TANK: variants seen among roughly 807,000 people sequenced by gnomAD.
TANK encodes TRAF family member associated NFKB activator.
Under a neutral mutation model 43.6 loss-of-function variants are expected in TANK, and 15 were observed. The observed-to-expected ratio is 0.34, with a 90% CI of 0.23 to 0.53. TANK has a LOEUF of 0.53. TANK is among the 20% of genes least tolerant of loss of function. TANK has a pLI of 0.94. For synonymous variants in TANK, 162 were observed against 178.2 expected (o/e 0.91, Z 0.73); for missense variants, 417 against 498.6 (o/e 0.84, Z 1.56).
chr2:161,160,168 A>G (rs553682789), upstream of TANK: 206 of 375,618 alleles, frequency 5.5e-4, no homozygotes, highest in Non-Finnish European at 8.7e-4. Context: ...TCCAGCAAAG[A>G]CTCACAAGTG....
intron 1 of TANK, chr2:161,162,838 G>C (rs1008245650): frequency 4.6e-5 from 7 of 152,072 alleles, no homozygotes; most frequent in African/African-American, 1.7e-4. Context: ...TTCATTTGGT[G>C]TGTATATTCA....
At chr2:161,183,914 A>T (rs547421442) in intron 2 of TANK, among the ~76,000 whole-genome samples, 13 of 152,136 alleles carry the variant, frequency 8.5e-5, no homozygotes, top group Non-Finnish European at 1.6e-4. Context: ...TAAAAAAAGT[A>T]GTTATTACTA....
intron 4 of TANK, among the ~76,000 whole-genome samples, chr2:161,216,607 AGTT>A (rs1190905888): frequency 3.3e-5 from 5 of 150,898 alleles, no homozygotes; most frequent in Non-Finnish European, 7.4e-5. Flanking sequence ...AAAAAAAAAA[AGTT>A]GGTGAGGCCC....
At chr2:161,184,533 G>A (rs144752682) in intron 2 of TANK, among the ~76,000 whole-genome samples, 31 of 152,214 alleles carry the variant, frequency 2.0e-4, no homozygotes, top group African/African-American at 7.2e-4. Context: ...AAAAGTGAAT[G>A]GCAGTCATTT....
intron 1 of TANK, among the ~76,000 whole-genome samples, chr2:161,152,125 T>C (rs769818907): frequency 8.1e-4 from 123 of 152,128 alleles, no homozygotes; most frequent in Non-Finnish European, 1.7e-3. Context: ...GTGTGCCAGA[T>C]TGATAATTAT....
chr2:161,150,601 T>C (rs537156956), intron 1 of TANK, among the ~76,000 whole-genome samples: 3 of 141,060 alleles, frequency 2.1e-5, no homozygotes, highest in South Asian at 2.3e-4. Flanking sequence ...TTTTTTTTTT[T>C]TTTTTTTTCT....
intron 1 of TANK, among the ~76,000 whole-genome samples, chr2:161,178,236 C>T (rs1417238263): frequency 1.3e-5 from 2 of 151,998 alleles, no homozygotes; most frequent in East Asian, 3.8e-4. Context: ...TTATTCATAA[C>T]AGCCAAAAGG....
At chr2:161,139,748 G>C in intron 1 of TANK, 1 of 985,262 alleles carries the variant, frequency 1.0e-6, no homozygotes. Flanking sequence ...AACAGAAAAA[G>C]AATGAAAACA....
chr2:161,152,815 G>T (rs1684116504), intron 1 of TANK, among the ~76,000 whole-genome samples: 1 of 152,178 alleles, frequency 6.6e-6, no homozygotes, highest in Non-Finnish European at 1.5e-5. Flanking sequence ...ACTAGAAAAA[G>T]ACTTTCAGTC....
intron 2 of TANK, among the ~76,000 whole-genome samples, chr2:161,181,158 C>T (rs527597645): frequency 2.6e-5 from 4 of 152,108 alleles, no homozygotes; most frequent in Admixed American, 6.6e-5. Flanking sequence ...TGGTGGCTTG[C>T]GCCTGTAATC....
chr2:161,167,769 C>T lies in TANK; in HGVS notation c.-50+7283C>T, dbSNP rs561522619. 1.9e-4 allele frequency among the ~76,000 whole-genome samples: 29 copies of T among 152,156 alleles called. 1 individual carries two copies. The East Asian group carries it at 5.4e-3, about 28-fold the overall frequency. ...TCCCAAGTAGCTGGGACTACAAATG[C>T]CCGCCACCACGACCGGCTAATTTTT... is the stretch of plus-strand genomic sequence containing the variant. On this transcript the variant is annotated intron_variant, in intron 1 of 7. Transcript: ENST00000392749.
At chr2:161,177,392 T>A (rs1177721325) in intron 1 of TANK, among the ~76,000 whole-genome samples, 2 of 152,120 alleles carry the variant, frequency 1.3e-5, no homozygotes, top group Non-Finnish European at 2.9e-5. Context: ...AGTTGTGATT[T>A]ATGATCAGTT....
chr2:161,218,366 G>A (rs1687207910), intron 4 of TANK, among the ~76,000 whole-genome samples: 1 of 152,126 alleles, frequency 6.6e-6, no homozygotes, highest in Admixed American at 6.5e-5. Flanking sequence ...CTGGATAACT[G>A]TACCACTTAG....
rs759909256 is a variant in TANK, at chr2:161,195,097, C to T, written c.100-8390C>T. On this transcript the variant is annotated intron_variant, in intron 2 of 7. Transcript: ENST00000392749. ...CAAGGTTTTACTTCCAGAAATATGTCGTGTTAAAACTTTTAGTCAGGTATG... is the reference window on the plus strand; with the variant it reads ...CAAGGTTTTACTTCCAGAAATATGTTGTGTTAAAACTTTTAGTCAGGTATG... Among the ~76,000 whole-genome samples the T allele has an allele frequency of 4.3e-4, 66 of 152,084 alleles. 1 individual carries two copies. The highest frequency in any genetic ancestry group is 4.6e-4 in the Admixed American group (7 of 15,268).
At chr2:161,229,781 C>T (rs943406987) in intron 6 of TANK, among the ~76,000 whole-genome samples, 1 of 152,164 alleles carries the variant, frequency 6.6e-6, no homozygotes, top group African/African-American at 2.4e-5. Flanking sequence ...AGATTTGCAT[C>T]ATTGGTAATG....
At chr2:161,201,377 A>C in intron 2 of TANK, 6 of 648,080 alleles carry the variant, frequency 9.3e-6, no homozygotes, top group Non-Finnish European at 1.1e-5. Flanking sequence ...AACTGGCAGA[A>C]GCTTTCTGAG....
intron 2 of TANK, among the ~76,000 whole-genome samples, chr2:161,196,675 T>G (rs990388397): frequency 4.6e-5 from 7 of 152,208 alleles, no homozygotes; most frequent in African/African-American, 1.4e-4. Flanking sequence ...GCCAACATGG[T>G]GAAATCTTGT....
At chr2:161,146,988 G>A (rs1211194670) in intron 1 of TANK, among the ~76,000 whole-genome samples, 1 of 152,174 alleles carries the variant, frequency 6.6e-6, no homozygotes, top group Non-Finnish European at 1.5e-5. Flanking sequence ...TCAGCCCCAG[G>A]GGGATCAGAG....
rs969919772 is a variant in TANK, at chr2:161,230,916, ATTT to A, written c.521-50_521-48del. The A allele has an allele frequency of 5.1e-6, 7 of 1,384,288 alleles. No individual in the cohort carries two copies. The African/African-American group carries it at 1.0e-4, about 20-fold the overall frequency. The allele number at this position is 1,384,288 out of a possible 1,614,324, so 85.8% of individuals were successfully genotyped here. A position where few individuals can be genotyped will look rare whatever the true frequency, so the allele number is the denominator to read the frequency against. On this transcript the variant is annotated intron_variant, in intron 6 of 7. Coordinates refer to ENST00000392749, the MANE Select transcript of TANK (RefSeq NM_001199135.3). ...AATCTCTCCAAAGCTGATTGAACAG[ATTT>A]TTTTAATGATTTGAATGCGGCTGTT...
Sources: gnomAD v4.1 joint callset for allele counts (sites outside exome capture counted in the v4.1 genomes callset) on GRCh38, gnomAD v4.1.1 for gene constraint, MANE v1.5 for transcripts, NCBI Gene and HGNC (gene_info 2026-07-23, HGNC 2026-07-21) for gene names.